KCNH6: variants seen among roughly 807,000 people sequenced by gnomAD.
KCNH6 encodes voltage-gated inwardly rectifying potassium channel KCNH6.
A neutral mutation model predicts 83.4 loss-of-function variants in KCNH6; 81 were observed. The observed-to-expected ratio is 0.97, with a 90% confidence interval of 0.81 to 1.17. The LOEUF (loss-of-function observed/expected upper bound fraction) is 1.17. Ranked by LOEUF, KCNH6 falls within the 50% of genes most tolerant of loss-of-function variation. KCNH6 has a pLI of 0.00. For synonymous variants in KCNH6, 503 were observed against 545.6 expected, an observed-to-expected ratio of 0.92 and a Z score of 1.09; for missense variants, 1,203 against 1,290.5, an observed-to-expected ratio of 0.93 and a Z score of 1.04.
In KCNH6 at chr17:63,530,522, G is replaced by A. The variant is rs201704754; in HGVS notation, c.655G>A (p.Val219Ile). 1.2e-5 allele frequency: 19 copies of A among 1,614,088 alleles called. No individual in the cohort carries two copies. Among genetic ancestry groups the A allele is most frequent in the Middle Eastern group, 1.7e-4 (1 of 6,058 alleles). Residue 219 changes from valine to isoleucine, a missense_variant, in exon 4 of 13, where the codon GTC (valine) becomes ATC (isoleucine). Transcript: ENST00000314672. ...TAAGGTGGTGGAGCGGACACAGAAC[G>A]TCACTGAGAAGGTCACCCAGGTGCG... ...PHKVVERTQNVTEKVTQVLSL... is the reference protein window; with the variant it reads ...PHKVVERTQNITEKVTQVLSL...
Position 63,534,130 on chromosome 17 carries a change from T to C in KCNH6, c.920T>C (p.Val307Ala), listed in dbSNP as rs1457857074. 3 of 1,570,068 alleles carry C rather than the reference T, an allele frequency of 1.9e-6. No homozygotes were observed. In the East Asian group the frequency reaches 7.3e-5, roughly 38 times the overall value. ...CSPLTVVDLI[V>A]DIMFVVDIVI... The stretch of plus-strand genomic sequence containing the variant: ...CCCCTCACTGTGGTGGATCTCATCG[T>C]GGACATCATGTTCGTCGTGGACATC... Residue 307 changes from valine (V) to alanine (A), a missense_variant, in exon 5 of 13, where the codon GTG (valine) becomes GCG (alanine). Physicochemically the swap from Val to Ala is moderately conservative, Grantham distance 64. Coordinates refer to ENST00000314672, the MANE Select transcript of KCNH6 (RefSeq NM_001278919.2). The surrounding 1 kb of genome is among the most constrained non-coding windows in gnomAD (Gnocchi z 5.0).
intron 2 of KCNH6, among the ~76,000 whole-genome samples, chr17:63,527,967 C>T (rs977245102): frequency 3.3e-5 from 5 of 152,192 alleles, no homozygotes; most frequent in South Asian, 2.1e-4. Context: ...CATTCCCAGC[C>T]GCAGTTTTCC....
chr17:63,530,607 TG>T, intron 4 of KCNH6, 65 bp downstream of exon 4: 1 of 1,480,344 alleles, frequency 6.8e-7, no homozygotes, highest in East Asian at 2.3e-5. Context: ...TCCCAGGCTC[TG>T]GGCCCAGGCC....
In KCNH6 at chr17:63,538,448, C is replaced by T. The variant is rs772287110; in HGVS notation, c.1740C>T (p.Ile580=). The change falls in exon 8 of 13, where the codon ATC becomes ATT. Residue 580 remains isoleucine, a synonymous_variant. Coordinates refer to ENST00000314672, the MANE Select transcript of KCNH6 (RefSeq NM_001278919.2). The surrounding 1 kb of genome is among the most constrained non-coding windows in gnomAD (Gnocchi z 4.0). Reference sequence around the variant, plus strand: ...TCCCCGAGTGCCTGCAGGCTGACATCTGCCTGCACCTGCACCGCGCACTGC... The same window carrying T: ...TCCCCGAGTGCCTGCAGGCTGACATTTGCCTGCACCTGCACCGCGCACTGC... ...KGFPECLQAD[I]CLHLHRALLQ... is the part of the protein sequence containing the mutation. 48 of 1,603,350 alleles carry T rather than the reference C, an allele frequency of 3.0e-5. No homozygotes were observed. In the South Asian group the frequency reaches 5.1e-4, roughly 17 times the overall value.
chr17:63,544,975 C>T (rs2033071799), intron 11 of KCNH6, 103 bp from the exon 12 acceptor site: 2 of 1,164,990 alleles, frequency 1.7e-6, no homozygotes, highest in Non-Finnish European at 2.5e-6. Context: ...CCCAGGCCGC[C>T]ATTCCATCTA....
chr17:63,537,040 G>A (rs367868626), intron 6 of KCNH6, among the ~76,000 whole-genome samples: 5 of 151,038 alleles, frequency 3.3e-5, no homozygotes, highest in South Asian at 2.1e-4. Flanking sequence ...ATGCGGCTCC[G>A]TGTGTCCACA....
At chr17:63,537,932 G>C in intron 6 of KCNH6, 133 bp from the exon 7 acceptor site, 1 of 847,488 alleles carries the variant, frequency 1.2e-6, no homozygotes. Flanking sequence ...CGCTGTCCTG[G>C]TCACTCCTGA....
At position 63,538,625 on chromosome 17, in the gene KCNH6, C is replaced by T. The variant is rs371420390; in HGVS notation, c.1917C>T (p.Ile639=). 1.8e-4 allele frequency: 289 copies of T among 1,603,818 alleles called. No homozygotes were observed. The highest frequency in any genetic ancestry group is 2.4e-4 in the Non-Finnish European group (279 of 1,173,380). The change falls in exon 8 of 13, where the codon ATC becomes ATT. Residue 639 remains isoleucine, a synonymous_variant. Transcript: ENST00000314672. This position sits in a 1 kb window ranked among gnomAD's most constrained non-coding sequence, Gnocchi z 4.0. Reference sequence around the variant, plus strand: ...TCTACTTCATCTCCCGAGGCTCCATCGAGATCCTGCGCGACGACGTGGTCG... The same window carrying T: ...TCTACTTCATCTCCCGAGGCTCCATTGAGATCCTGCGCGACGACGTGGTCG... ...STLYFISRGS[I]EILRDDVVVA... is the part of the protein sequence containing the mutation.
intron 2 of KCNH6, 29 bp downstream of exon 2, chr17:63,524,398 C>T (rs1285035147): frequency 6.3e-7 from 1 of 1,592,114 alleles, no homozygotes; most frequent in South Asian, 1.1e-5. Context: ...AGAGGCTTTG[C>T]AGGGCAGGCT....
rs747103127 is a variant in KCNH6, at chr17:63,535,846, C to T, written c.1279C>T (p.Arg427Trp). ...CIWYAIGNVE[R>W]PYLEHKIGWL... ...CTGGTACGCCATCGGCAATGTGGAG[C>T]GGCCCTACCTAGAACACAAGATCGG... The change falls in exon 6 of 13, where the codon CGG (arginine) becomes TGG (tryptophan). Residue 427 changes from arginine (R) to tryptophan (W), a missense_variant. Transcript: ENST00000314672. The surrounding 1 kb of genome is among the most constrained non-coding windows in gnomAD (Gnocchi z 4.9). The T allele has an allele frequency of 6.8e-6, 11 of 1,614,172 alleles. No individual in the cohort carries two copies. The highest frequency in any genetic ancestry group is 6.7e-5 in the East Asian group (3 of 44,890).
intron 2 of KCNH6, 114 bp downstream of exon 2, chr17:63,524,483 CCT>C (rs1000503560): frequency 1.1e-5 from 9 of 782,738 alleles, no homozygotes; most frequent in Middle Eastern, 3.5e-4. Context: ...CTGAACAAAC[CCT>C]GTTTCTTCTA....
chr17:63,538,155 G>T lies in KCNH6; in HGVS notation c.1592G>T (p.Arg531Leu). 1 of 1,614,142 alleles carries T rather than the reference G, an allele frequency of 6.2e-7. No individual in the cohort carries two copies. Residue 531 changes from arginine (R) to leucine (L), a missense_variant, in exon 7 of 13, where the codon CGT becomes CTT. Transcript: ENST00000314672. This position sits in a 1 kb window ranked among gnomAD's most constrained non-coding sequence, Gnocchi z 4.0. ...GCGCGCTACCACACGCAGATGCTGC[G>T]TGTCAAGGAGTTCATCCGCTTCCAC... ...GTARYHTQML[R>L]VKEFIRFHQI...
In KCNH6 at chr17:63,530,381, A is replaced by C. The variant is rs540438974; in HGVS notation, c.514A>C (p.Arg172=). 116 of 1,614,212 alleles carry C rather than the reference A, an allele frequency of 7.2e-5. 1 individual carries two copies. In the South Asian group the frequency reaches 1.2e-3, roughly 17 times the overall value. The stretch of plus-strand genomic sequence containing the variant: ...AGGCGGACCAGGGCCAGGCACAGGC[A>C]GGGGCAAGTACAGGACCATCAGCCA... The part of the protein sequence containing the change: ...RPGGPGPGTG[R]GKYRTISQIP... The change falls in exon 4 of 13, where the codon AGG becomes CGG. Residue 172 remains arginine, a synonymous_variant. Coordinates refer to ENST00000314672, the MANE Select transcript of KCNH6 (RefSeq NM_001278919.2).
Position 63,530,137 on chromosome 17 carries a change from G to A in KCNH6, c.354G>A (p.Glu118=). The A allele has an allele frequency of 6.2e-7, 1 of 1,614,062 alleles. No homozygotes were observed. The highest frequency in any genetic ancestry group is 8.5e-7 in the Non-Finnish European group (1 of 1,180,036). ...TAGATGTGGTGCCCGTGAAGAACGA[G>A]GACGGGGCTGTCATCATGTTCATTC... is the stretch of plus-strand genomic sequence containing the variant. ...CLVDVVPVKN[E]DGAVIMFILN... The change falls in exon 3 of 13, where the codon GAG becomes GAA. Residue 118 remains glutamate (E), a synonymous_variant. Transcript: ENST00000314672.
At chr17:63,544,988 A>G (rs1036045552) in intron 11 of KCNH6, 90 bp from the exon 12 acceptor site, 612 of 1,305,358 alleles carry the variant, frequency 4.7e-4, no homozygotes, top group Non-Finnish European at 5.2e-4. Context: ...TCCATCTAGC[A>G]GGAACAGCAC....
At chr17:63,532,135 C>A (rs2032159018) in intron 4 of KCNH6, among the ~76,000 whole-genome samples, 1 of 152,110 alleles carries the variant, frequency 6.6e-6, no homozygotes, top group Admixed American at 6.5e-5. Context: ...GTCCCCCTGT[C>A]TGGGGGCCCT....
At position 63,530,407 on chromosome 17, in the gene KCNH6, G is replaced by A. The variant is rs1568069309; in HGVS notation, c.540G>A (p.Gln180=). The change falls in exon 4 of 13, where the codon CAG becomes CAA. Residue 180 remains glutamine (Q), a synonymous_variant. Transcript: ENST00000314672. ...GGGGCAAGTACAGGACCATCAGCCAGATCCCACAGTTCACGCTCAACTTCG... is the reference window on the plus strand; with the variant it reads ...GGGGCAAGTACAGGACCATCAGCCAAATCCCACAGTTCACGCTCAACTTCG... ...TGRGKYRTIS[Q]IPQFTLNFVE... 7.4e-6 allele frequency: 12 copies of A among 1,614,228 alleles called. No individual in the cohort carries two copies. Among genetic ancestry groups the A allele is most frequent in the Non-Finnish European group, 1.0e-5 (12 of 1,180,040 alleles).
At position 63,545,726 on chromosome 17, in the gene KCNH6, C is replaced by T. The variant is rs1568091560; in HGVS notation, c.2701C>T (p.Gln901Ter). The T allele has an allele frequency of 1.2e-6, 2 of 1,614,104 alleles. No individual in the cohort carries two copies. Among genetic ancestry groups the T allele is most frequent in the Admixed American group, 3.3e-5 (2 of 60,024 alleles). Reference protein sequence around the residue: ...KTLAPSSEQEQPEGLWPPLAS... With the variant: ...KTLAPSSEQE ...TCTGGCACCATCCTCAGAACAGGAA[C>T]AGCCTGAGGGGCTCTGGCCACCCCT... The change falls in exon 13 of 13, where the codon CAG becomes TAG. Residue 901 changes from glutamine (Q) to a stop codon, truncating the protein, a stop_gained. Coordinates refer to ENST00000314672, the MANE Select transcript of KCNH6 (RefSeq NM_001278919.2). LOFTEE classifies it high-confidence loss of function.
At position 63,538,596 on chromosome 17, in the gene KCNH6, A is replaced by C; in HGVS notation, c.1888A>C (p.Thr630Pro). 1.2e-6 allele frequency: 2 copies of C among 1,611,930 alleles called. No individual in the cohort carries two copies. The highest frequency in any genetic ancestry group is 8.5e-7 in the Non-Finnish European group (1 of 1,179,066). ...GGTGCACCTCGGCGACGTGCTCTCCACCCTCTACTTCATCTCCCGAGGCTC... is the reference window on the plus strand; with the variant it reads ...GGTGCACCTCGGCGACGTGCTCTCCCCCCTCTACTTCATCTCCCGAGGCTC... ...TLVHLGDVLS[T>P]LYFISRGSIE... is the part of the protein sequence containing the mutation. Residue 630 changes from threonine to proline, a missense_variant, in exon 8 of 13, where the codon ACC (threonine) becomes CCC (proline). Coordinates refer to ENST00000314672, the MANE Select transcript of KCNH6 (RefSeq NM_001278919.2). The surrounding 1 kb of genome is among the most constrained non-coding windows in gnomAD (Gnocchi z 4.0).
Sources: allele counts gnomAD v4.1 joint callset (sites outside exome capture counted in the v4.1 genomes callset), GRCh38; gene constraint gnomAD v4.1.1; non-coding constraint Gnocchi (gnomAD v3.1); transcripts MANE v1.5; gene names NCBI Gene and HGNC (gene_info 2026-07-23, HGNC 2026-07-21).